NKAIN2: variants seen among roughly 807,000 people sequenced by gnomAD.
NKAIN2 encodes sodium/potassium-transporting ATPase subunit beta-1-interacting protein 2.
In NKAIN2, 14 loss-of-function variants were observed where a neutral mutation model predicts 32.6. That is an observed-to-expected ratio of 0.43 (90% CI 0.28 to 0.67). NKAIN2 has a LOEUF of 0.67. Ranked by LOEUF, NKAIN2 falls within the 30% of genes least tolerant of loss-of-function variation. The pLI, the probability that NKAIN2 is intolerant of heterozygous loss-of-function variation, is 0.17. For synonymous variants in NKAIN2, 80 were observed against 87.2 expected (o/e 0.92, Z 0.46); for missense variants, 198 against 258.3 (o/e 0.77, Z 1.60).
At chr6:124,023,081 T>A (rs999856690) in intron 1 of NKAIN2, among the ~76,000 whole-genome samples, 1 of 151,458 alleles carries the variant, frequency 6.6e-6, no homozygotes, top group East Asian at 1.9e-4. Flanking sequence ...TATATATATA[T>A]GTGTGTGTAT....
chr6:124,028,686 T>C (rs530967355), intron 1 of NKAIN2, among the ~76,000 whole-genome samples: 256 of 150,684 alleles, frequency 1.7e-3, no homozygotes, highest in African/African-American at 5.8e-3. Flanking sequence ...TAAAAGTTTG[T>C]TTATATACAT....
chr6:124,398,243 A>C lies in NKAIN2; in HGVS notation c.273+42896A>C. 2.3e-5 allele frequency among the ~76,000 whole-genome samples: 2 copies of C among 87,102 alleles called. 1 individual carries two copies. The allele number at this position is 87,102 out of a possible 152,430, so 57.1% of individuals were successfully genotyped here. A position where few individuals can be genotyped will look rare whatever the true frequency, so the allele number is the denominator to read the frequency against. The stretch of plus-strand genomic sequence containing the variant: ...ACTCCAGCCTGGGTGACAGAGAGAG[A>C]CTGCATCTCAAAAAAAAAAAAAAAA... On this transcript the variant is annotated intron_variant, in intron 3 of 6. Transcript: ENST00000368417.
chr6:123,839,107 T>A (rs1774754156), intron 1 of NKAIN2, among the ~76,000 whole-genome samples: 1 of 152,042 alleles, frequency 6.6e-6, no homozygotes, highest in Non-Finnish European at 1.5e-5. Flanking sequence ...AGAGGGACTC[T>A]GTGTGTCCTG....
At chr6:124,672,674 G>T (rs1168095535) in intron 4 of NKAIN2, among the ~76,000 whole-genome samples, 1 of 152,008 alleles carries the variant, frequency 6.6e-6, no homozygotes, top group Admixed American at 6.6e-5. Context: ...CTTTGACAAT[G>T]AGGCTGTGTG....
chr6:123,968,097 A>G (rs898831005), intron 1 of NKAIN2, among the ~76,000 whole-genome samples: 2 of 152,218 alleles, frequency 1.3e-5, no homozygotes, highest in African/African-American at 4.8e-5. Flanking sequence ...CACTTGCAGG[A>G]GCACTTGACA....
intron 2 of NKAIN2, among the ~76,000 whole-genome samples, chr6:124,311,482 C>A (rs541558521): frequency 6.6e-6 from 1 of 152,196 alleles, no homozygotes; most frequent in East Asian, 1.9e-4. Flanking sequence ...TTTATATATC[C>A]ACTGCCACCA....
intron 2 of NKAIN2, among the ~76,000 whole-genome samples, chr6:124,285,106 T>G (rs867825096): frequency 1.3e-5 from 2 of 152,160 alleles, no homozygotes; most frequent in Admixed American, 1.3e-4. Context: ...CTTTTTAAGG[T>G]CTTAACAATG....
chr6:124,201,213 G>A (rs1790572708), intron 1 of NKAIN2, among the ~76,000 whole-genome samples: 1 of 151,972 alleles, frequency 6.6e-6, no homozygotes, highest in African/African-American at 2.4e-5. Context: ...TACACACCAT[G>A]CTGTTACCTC....
At chr6:124,441,730 C>T (rs1026014355) in intron 3 of NKAIN2, among the ~76,000 whole-genome samples, 1 of 152,022 alleles carries the variant, frequency 6.6e-6, no homozygotes, top group African/African-American at 2.4e-5. Context: ...ATGAGCAAAG[C>T]AAGTGTTGTC....
At chr6:124,078,076 G>A (rs1783780608) in intron 1 of NKAIN2, among the ~76,000 whole-genome samples, 1 of 152,094 alleles carries the variant, frequency 6.6e-6, no homozygotes, top group Admixed American at 6.6e-5. Flanking sequence ...TTTAGGATAT[G>A]TATTGTGGGA....
At chr6:123,853,006 T>C (rs1034437798) in intron 1 of NKAIN2, among the ~76,000 whole-genome samples, 3 of 152,218 alleles carry the variant, frequency 2.0e-5, no homozygotes, top group African/African-American at 7.2e-5. Context: ...CCAAGCATTC[T>C]GTAGACTTTA....
chr6:124,601,863 T>C (rs1782320129), intron 3 of NKAIN2, among the ~76,000 whole-genome samples: 2 of 151,982 alleles, frequency 1.3e-5, no homozygotes, highest in South Asian at 4.1e-4. Context: ...CACTGGGAAT[T>C]TGTGGGCTAT....
Position 124,359,968 on chromosome 6 carries a change from C to A in NKAIN2, c.273+4621C>A, listed in dbSNP as rs186852562. ...TCCCATCAATACCTAATTTATTGAGCGTTTTTAGCATGAAGGGTTGTTGAA... is the reference window on the plus strand; with the variant it reads ...TCCCATCAATACCTAATTTATTGAGAGTTTTTAGCATGAAGGGTTGTTGAA... On this transcript the variant is annotated intron_variant, in intron 3 of 6. Transcript: ENST00000368417. 3.9e-3 allele frequency among the ~76,000 whole-genome samples: 591 copies of A among 152,094 alleles called. 2 individuals are homozygous for A. The highest frequency in any genetic ancestry group is 9.8e-3 in the South Asian group (47 of 4,814).
intron 3 of NKAIN2, among the ~76,000 whole-genome samples, chr6:124,539,140 T>C (rs1205557064): frequency 6.6e-6 from 1 of 152,198 alleles, no homozygotes; most frequent in African/African-American, 2.4e-5. Context: ...AAATGTTTAA[T>C]GAATGAATAT....
At chr6:124,539,973 G>A (rs535545016) in intron 3 of NKAIN2, among the ~76,000 whole-genome samples, 2 of 152,250 alleles carry the variant, frequency 1.3e-5, no homozygotes, top group South Asian at 4.1e-4. Context: ...TGCCCACCTC[G>A]GCCTCCCAAA....
chr6:124,416,218 T>G (rs1774481305), intron 3 of NKAIN2, among the ~76,000 whole-genome samples: 1 of 152,188 alleles, frequency 6.6e-6, no homozygotes, highest in Admixed American at 6.5e-5. Flanking sequence ...TGGATTTTCT[T>G]TGTACTTCAA....
chr6:124,047,219 A>G (rs1302494056), intron 1 of NKAIN2, among the ~76,000 whole-genome samples: 2 of 152,012 alleles, frequency 1.3e-5, no homozygotes, highest in Non-Finnish European at 2.9e-5. Context: ...CACAGTTTCA[A>G]TGAACTTTGA....
intron 1 of NKAIN2, among the ~76,000 whole-genome samples, chr6:123,941,972 C>T (rs991664069): frequency 1.3e-5 from 2 of 151,906 alleles, no homozygotes; most frequent in East Asian, 3.9e-4. Flanking sequence ...ACCCCCAAAG[C>T]ATCAGAAATA....
rs533364992 is a variant in NKAIN2 at position 124,709,679 on chromosome 6, G to A, written c.474+51293G>A. Among the ~76,000 whole-genome samples the A allele has an allele frequency of 2.8e-3, 424 of 150,994 alleles. 8 individuals carry two copies. The highest frequency in any genetic ancestry group is 0.025 in the Admixed American group (385 of 15,192). ...TAGTTTGTATTTCTGTGGGATCGGT[G>A]GTGATATCCCCTTTATCATTTTTTA... On this transcript the variant is annotated intron_variant, in intron 4 of 6. Transcript: ENST00000368417.
Sources: gnomAD v4.1 joint callset for allele counts (sites outside exome capture counted in the v4.1 genomes callset) on GRCh38, gnomAD v4.1.1 for gene constraint, MANE v1.5 for transcripts, NCBI Gene and HGNC (gene_info 2026-07-23, HGNC 2026-07-21) for gene names.